DMD: variants seen among roughly 807,000 people sequenced by gnomAD.
DMD encodes the protein mutant dystrophin.
Under a neutral mutation model 330.1 loss-of-function variants are expected in DMD, and 63 were observed. The ratio of observed to expected loss-of-function variants is 0.19; its 90% CI spans 0.16 to 0.24. The LOEUF (loss-of-function observed/expected upper bound fraction) is 0.24. Ranked by LOEUF, DMD falls within the 10% of genes least tolerant of loss-of-function variation. The probability of loss-of-function intolerance (pLI) is 1.00; values close to 1 mark genes in which losing one functional copy is unlikely to be tolerated. For missense variants in DMD, 3,344 were observed against 2,684.1 expected (o/e 1.25, Z -5.43); for synonymous variants, 1,223 against 959.8 (o/e 1.27, Z -5.07).
chrX:32,943,142 T>G (rs1367782174), intron 2 of DMD, among the ~76,000 whole-genome samples: 1 of 111,532 alleles, frequency 9.0e-6, no homozygotes, highest in Non-Finnish European at 1.9e-5. Flanking sequence ...ATGACTCAAA[T>G]ATCTGCCTCT....
intron 44 of DMD, among the ~76,000 whole-genome samples, chrX:32,062,895 A>G (rs2096236244): frequency 9.3e-6 from 1 of 107,163 alleles, no homozygotes; most frequent in African/African-American, 3.5e-5. Flanking sequence ...TCAATTTTGG[A>G]TTAGAAACTG....
chrX:33,236,031 T>A, intron 1 of DMD, among the ~76,000 whole-genome samples: 1 of 104,554 alleles, frequency 9.6e-6, no homozygotes, highest in Admixed American at 1.0e-4. Flanking sequence ...TTCTCCTGCC[T>A]CTGCCTCCTG....
chrX:31,587,520 G>T (rs1336107330), intron 55 of DMD, among the ~76,000 whole-genome samples: 1 of 112,167 alleles, frequency 8.9e-6, no homozygotes, highest in African/African-American at 3.2e-5. Context: ...ATATGTATCT[G>T]TTACTGTAAT....
At chrX:31,852,812 CAA>C (rs1366140589) in intron 48 of DMD, among the ~76,000 whole-genome samples, 2 of 111,906 alleles carry the variant, frequency 1.8e-5, no homozygotes, top group African/African-American at 3.2e-5. Context: ...ACATTAGAAA[CAA>C]ATGCTTTTCT....
chrX:32,531,030 T>A (rs1303139557), intron 17 of DMD, among the ~76,000 whole-genome samples: 2 of 112,010 alleles, frequency 1.8e-5, no homozygotes, highest in African/African-American at 6.5e-5. Context: ...TCAGAGCTTG[T>A]CTTCAATTTG....
intron 7 of DMD, among the ~76,000 whole-genome samples, chrX:32,739,310 G>C (rs2068927813): frequency 9.0e-6 from 1 of 111,727 alleles, no homozygotes; most frequent in African/African-American, 3.3e-5. Flanking sequence ...TTTAGAACAT[G>C]TGGCCAAGTC....
chrX:32,020,093 C>T (rs73217575), intron 44 of DMD, among the ~76,000 whole-genome samples: 3,820 of 112,691 alleles, frequency 0.034, 85 homozygotes, highest in East Asian at 0.18. Context: ...AATCTGCTGC[C>T]TTACTATCTA....
intron 62 of DMD, among the ~76,000 whole-genome samples, chrX:31,319,007 C>T (rs1015195334): frequency 8.9e-6 from 1 of 112,285 alleles, no homozygotes; most frequent in Non-Finnish European, 1.9e-5. Flanking sequence ...AACCAACCTT[C>T]GGCTAGAACT....
intron 9 of DMD, among the ~76,000 whole-genome samples, chrX:32,694,903 C>A (rs1190015344): frequency 8.9e-6 from 1 of 111,897 alleles, no homozygotes; most frequent in Non-Finnish European, 1.9e-5. Context: ...GATCCACCCA[C>A]CTTGGCCTCC....
At chrX:32,195,057 G>A (rs1319580790) in intron 44 of DMD, among the ~76,000 whole-genome samples, 1 of 111,334 alleles carries the variant, frequency 9.0e-6, no homozygotes, top group African/African-American at 3.3e-5. Context: ...TGGGGGAGAT[G>A]CAGAGGAAGA....
chrX:31,645,652 CACTT>C (rs2080048389), intron 54 of DMD, among the ~76,000 whole-genome samples: 1 of 112,360 alleles, frequency 8.9e-6, no homozygotes, highest in South Asian at 3.7e-4. Flanking sequence ...ATCTTACAAA[CACTT>C]ACTGAGTGCA....
chrX:31,804,560 C>T (rs2092221314), intron 50 of DMD, among the ~76,000 whole-genome samples: 1 of 111,843 alleles, frequency 8.9e-6, no homozygotes, highest in Non-Finnish European at 1.9e-5. Flanking sequence ...CTTTCAATTA[C>T]CCTTCAAATA....
intron 19 of DMD, among the ~76,000 whole-genome samples, chrX:32,492,121 G>A (rs961139987): frequency 3.6e-5 from 4 of 111,816 alleles, no homozygotes; most frequent in African/African-American, 1.3e-4. Context: ...GGGGGATCAC[G>A]GCATCGGGAG....
intron 47 of DMD, among the ~76,000 whole-genome samples, chrX:31,879,217 G>A (rs950763910): frequency 8.7e-5 from 9 of 103,781 alleles, no homozygotes; most frequent in African/African-American, 3.1e-4. Flanking sequence ...GGCGGGGGGG[G>A]GCCTCACAAT....
At chrX:31,575,126 T>G (rs1172431382) in intron 55 of DMD, among the ~76,000 whole-genome samples, 2 of 111,969 alleles carry the variant, frequency 1.8e-5, no homozygotes, top group African/African-American at 6.5e-5. Context: ...TTTCAGTATC[T>G]TCTTGATGAT....
intron 7 of DMD, among the ~76,000 whole-genome samples, chrX:32,803,541 T>G (rs2076739114): frequency 9.0e-6 from 1 of 111,392 alleles, no homozygotes; most frequent in Non-Finnish European, 1.9e-5. Flanking sequence ...TTCATTTAAT[T>G]GTGATGTTAG....
intron 47 of DMD, among the ~76,000 whole-genome samples, chrX:31,875,792 T>A (rs1433270938): frequency 8.9e-6 from 1 of 112,529 alleles, no homozygotes; most frequent in Non-Finnish European, 1.9e-5. Context: ...TATTCAGCAT[T>A]AGCACCAGAT....
Position 31,576,039 on chromosome X carries a change from T to C in DMD, c.8217+51634A>G, listed in dbSNP as rs12851849. ...TTTCTAAAATAACTTTACTTTGAAA[T>C]GGTTTAAGACCACAAAACTTGCAAA... On this transcript the variant is annotated intron_variant, in intron 55 of 78. Coordinates refer to ENST00000357033, the MANE Select transcript of DMD (RefSeq NM_004006.3). Among the ~76,000 whole-genome samples the C allele has an allele frequency of 3.4e-3, 384 of 112,044 alleles. 2 individuals carry two copies. The highest frequency in any genetic ancestry group is 0.01 in the South Asian group (28 of 2,718).
At chrX:33,145,642 A>AATATATAT (rs372303754) in intron 1 of DMD, among the ~76,000 whole-genome samples, 1 of 103,601 alleles carries the variant, frequency 9.7e-6, no homozygotes, top group African/African-American at 3.4e-5. Context: ...TATAATACTA[A>AATATATAT]ATATATATAT....
Sources: gnomAD v4.1 joint callset for allele counts (sites outside exome capture counted in the v4.1 genomes callset) on GRCh38, gnomAD v4.1.1 for gene constraint, MANE v1.5 for transcripts, NCBI Gene and HGNC (gene_info 2026-07-23, HGNC 2026-07-21) for gene names.